The following KCNK9 variants were observed in gnomAD, a reference collection of about 807,000 sequenced individuals.
KCNK9 encodes the protein potassium channel subfamily K member 9.
In KCNK9, 1 loss-of-function variant was observed where a neutral mutation model predicts 10.8. The ratio of observed to expected loss-of-function variants is 0.09; its 90% CI spans 0.03 to 0.44. The LOEUF (loss-of-function observed/expected upper bound fraction) is 0.44, where lower values mean the gene tolerates loss of function less well. KCNK9 is among the 20% of genes least tolerant of loss of function. KCNK9 has a pLI of 0.97. For missense variants in KCNK9, 303 were observed against 515.0 expected (o/e 0.59, Z 3.98); for synonymous variants, 231 against 222.7 (o/e 1.04, Z -0.33).
chr8:139,645,375 C>T (rs190958580), intron 1 of KCNK9, among the ~76,000 whole-genome samples: 110 of 152,314 alleles, frequency 7.2e-4, no homozygotes, highest in African/African-American at 2.3e-3. Context: ...CATGCCTGCC[C>T]ATGCCCACCT....
chr8:139,625,346 A>T (rs1482337454), intron 1 of KCNK9, among the ~76,000 whole-genome samples: 1 of 152,132 alleles, frequency 6.6e-6, no homozygotes, highest in African/African-American at 2.4e-5. Flanking sequence ...CTCCTCACCT[A>T]TCCAGACCCT....
At chr8:139,696,804 G>T (rs1817064654) in intron 1 of KCNK9, among the ~76,000 whole-genome samples, 1 of 150,596 alleles carries the variant, frequency 6.6e-6, no homozygotes, top group South Asian at 2.1e-4. Flanking sequence ...GATATAAATG[G>T]GTAAGTGGGT....
chr8:139,680,182 G>A (rs564022825), intron 1 of KCNK9, among the ~76,000 whole-genome samples: 9 of 152,314 alleles, frequency 5.9e-5, no homozygotes, highest in South Asian at 2.1e-4. Context: ...AGCCAAGCGC[G>A]GGCTTCAGGT....
At chr8:139,697,274 G>A (rs1434645014) in intron 1 of KCNK9, among the ~76,000 whole-genome samples, 1 of 148,500 alleles carries the variant, frequency 6.7e-6, no homozygotes, top group Non-Finnish European at 1.5e-5. Flanking sequence ...GGATGGATAG[G>A]TAGATGAGTG....
At chr8:139,609,117 C>CCCCACCCCGA, downstream of KCNK9, among the ~76,000 whole-genome samples, 1 of 149,588 alleles carries the variant, frequency 6.7e-6, no homozygotes, top group African/African-American at 2.5e-5. Context: ...CCCCACCCCG[C>CCCCACCCCGA]CCCGCTCCGG....
intron 1 of KCNK9, among the ~76,000 whole-genome samples, chr8:139,694,614 C>A (rs1006058364): frequency 3.3e-5 from 5 of 152,192 alleles, no homozygotes; most frequent in Non-Finnish European, 5.9e-5. Context: ...GCTGGCCATG[C>A]GTAGGGTAGG....
At chr8:139,673,898 TCTC>T (rs1347915850) in intron 1 of KCNK9, among the ~76,000 whole-genome samples, 1 of 152,014 alleles carries the variant, frequency 6.6e-6, no homozygotes, top group East Asian at 1.9e-4. Flanking sequence ...TTCGGGGACC[TCTC>T]CTCCTCCTGG....
chr8:139,613,625 T>A (rs1207209796), downstream of KCNK9, among the ~76,000 whole-genome samples: 2 of 152,208 alleles, frequency 1.3e-5, no homozygotes, highest in Non-Finnish European at 2.9e-5. Flanking sequence ...ATTGGTTTTG[T>A]GCTAAGTGCC....
chr8:139,689,326 G>A (rs769434620), intron 1 of KCNK9, among the ~76,000 whole-genome samples: 2 of 152,188 alleles, frequency 1.3e-5, no homozygotes, highest in Non-Finnish European at 2.9e-5. Flanking sequence ...CAAATCATCT[G>A]AGAGCTATGC....
chr8:139,662,747 C>T (rs1476729092), intron 1 of KCNK9, among the ~76,000 whole-genome samples: 12 of 151,882 alleles, frequency 7.9e-5, no homozygotes, highest in African/African-American at 2.7e-4. Flanking sequence ...TGAACAGACA[C>T]TGTGCCAGCC....
At chr8:139,623,592 A>G (rs1377765746) in intron 1 of KCNK9, among the ~76,000 whole-genome samples, 2 of 152,052 alleles carry the variant, frequency 1.3e-5, no homozygotes. Flanking sequence ...GAGCTCAGGA[A>G]CCACACATGC....
chr8:139,682,916 A>G (rs547018355), intron 1 of KCNK9, among the ~76,000 whole-genome samples: 4 of 152,266 alleles, frequency 2.6e-5, no homozygotes, highest in Non-Finnish European at 5.9e-5. Flanking sequence ...TGTGCCCAGA[A>G]TGGATCTAGA....
At chr8:139,639,086 A>C in intron 1 of KCNK9, among the ~76,000 whole-genome samples, 2 of 150,078 alleles carry the variant, frequency 1.3e-5, no homozygotes, top group African/African-American at 2.5e-5. Context: ...TGCCACAGTC[A>C]CTCCTGCGCC....
intron 1 of KCNK9, among the ~76,000 whole-genome samples, chr8:139,661,170 C>G (rs909854321): frequency 6.6e-6 from 1 of 152,198 alleles, no homozygotes; most frequent in Non-Finnish European, 1.5e-5. Context: ...AGCTTCTACC[C>G]CATGCTGACC....
chr8:139,639,418 G>A (rs578107725), intron 1 of KCNK9, among the ~76,000 whole-genome samples: 3 of 152,338 alleles, frequency 2.0e-5, no homozygotes, highest in Admixed American at 2.0e-4. Flanking sequence ...GTCTGGCGGG[G>A]AGTAGTGACC....
intron 1 of KCNK9, among the ~76,000 whole-genome samples, chr8:139,644,828 G>GGCACT (rs1480942025): frequency 6.7e-6 from 1 of 148,474 alleles, no homozygotes; most frequent in Admixed American, 7.0e-5. Context: ...GCTGGGCCCC[G>GGCACT]GCACTGCCAG....
At chr8:139,663,645 GCA>G (rs1456636301) in intron 1 of KCNK9, among the ~76,000 whole-genome samples, 10 of 123,112 alleles carry the variant, frequency 8.1e-5, no homozygotes, top group Middle Eastern at 3.7e-3. Flanking sequence ...ACGCGCGTGC[GCA>G]CGTGTGTGTG....
intron 1 of KCNK9, among the ~76,000 whole-genome samples, chr8:139,623,166 G>GTGACAC (rs1554619348): frequency 6.6e-6 from 1 of 152,184 alleles, no homozygotes; most frequent in Non-Finnish European, 1.5e-5. Context: ...TGCTGGACAC[G>GTGACAC]TGACACAAGA....
At chr8:139,612,822 T>A (rs1814472565), downstream of KCNK9, 1 of 152,240 alleles carries the variant, frequency 6.6e-6, no homozygotes, top group South Asian at 2.1e-4. Flanking sequence ...AAAACTGTCT[T>A]AACCTGAGGA....
Sources: allele counts gnomAD v4.1 joint callset (sites outside exome capture counted in the v4.1 genomes callset), GRCh38; gene constraint gnomAD v4.1.1; transcripts MANE v1.5; gene names NCBI Gene and HGNC (gene_info 2026-07-23, HGNC 2026-07-21).